DIPK1C: variants seen among roughly 807,000 people sequenced by gnomAD.
The protein encoded by DIPK1C is divergent protein kinase domain 1C, also known as familial non-conventional Alzheimer's dementia.
Under a neutral mutation model 28.0 loss-of-function variants are expected in DIPK1C, and 33 were observed. That is an observed-to-expected ratio of 1.18 (90% CI 0.89 to 1.58). The LOEUF (loss-of-function observed/expected upper bound fraction) is 1.58, where lower values mean the gene tolerates loss of function less well. Among genes scored for constraint, DIPK1C ranks in the 40% most tolerant of loss-of-function variants. DIPK1C has a pLI of 0.00. For missense variants in DIPK1C, 569 were observed against 568.5 expected (o/e 1.00, Z -0.01); for synonymous variants, 255 against 248.8 (o/e 1.02, Z -0.23).
chr18:74,441,742 C>A (rs971784433), intron 3 of DIPK1C, among the ~76,000 whole-genome samples: 2 of 152,132 alleles, frequency 1.3e-5, no homozygotes, highest in African/African-American at 2.4e-5. Context: ...TCATCAGATG[C>A]CCCTGGTCGC....
chr18:74,457,018 C>T, intron 1 of DIPK1C, 44 bp downstream of exon 1: 2 of 1,378,614 alleles, frequency 1.5e-6, no homozygotes, highest in Non-Finnish European at 1.9e-6. Context: ...GTGATCCCCC[C>T]TCCCCGGACG....
In DIPK1C at chr18:74,446,638, G is replaced by T; in HGVS notation, c.844C>A (p.Pro282Thr). 1 of 1,472,250 alleles carries T rather than the reference G, an allele frequency of 6.8e-7. No individual in the cohort carries two copies. The highest frequency in any genetic ancestry group is 1.4e-5 in the South Asian group (1 of 70,984). The allele number at this position is 1,472,250 out of a possible 1,614,324, so 91.2% of individuals were successfully genotyped here. The change falls in exon 2 of 4, where the codon CCG becomes ACG. Residue 282 changes from proline (P) to threonine (T), a missense_variant. Transcript: ENST00000343998. Reference protein sequence around the residue: ...SHRLHLCDIKPENFAIRSDFT... With the variant: ...SHRLHLCDIKTENFAIRSDFT... ...TCGCTCCGGATGGCAAAGTTTTCCG[G>T]CTTGATGTCGCAGAGGTGGAGGCGG...
intron 2 of DIPK1C, among the ~76,000 whole-genome samples, chr18:74,444,519 T>C (rs1986216669): frequency 6.6e-6 from 1 of 152,246 alleles, no homozygotes; most frequent in Non-Finnish European, 1.5e-5. Flanking sequence ...CTAGAAGCCT[T>C]GTTTTGAAGA....
intron 3 of DIPK1C, among the ~76,000 whole-genome samples, chr18:74,438,943 A>G (rs910823056): frequency 6.6e-6 from 1 of 152,210 alleles, no homozygotes; most frequent in Admixed American, 6.5e-5. Flanking sequence ...CCCTTGGCGA[A>G]GCCAGTCCTG....
intron 3 of DIPK1C, among the ~76,000 whole-genome samples, chr18:74,440,589 T>G (rs937498242): frequency 6.6e-6 from 1 of 152,224 alleles, no homozygotes; most frequent in Non-Finnish European, 1.5e-5. Flanking sequence ...TTTTCCAAGT[T>G]GTTTGGCCAT....
At chr18:74,460,220 C>T (rs971074388), upstream of DIPK1C, among the ~76,000 whole-genome samples, 10 of 152,200 alleles carry the variant, frequency 6.6e-5, no homozygotes, top group Admixed American at 3.9e-4. Flanking sequence ...ACATTCTCTT[C>T]ATGGCTTAAG....
At position 74,441,988 on chromosome 18, in the gene DIPK1C, G is replaced by T. The variant is rs191560122; in HGVS notation, c.1005C>A (p.Asn335Lys). 4.3e-6 allele frequency: 7 copies of T among 1,614,084 alleles called. No individual in the cohort carries two copies. The highest frequency in any genetic ancestry group is 3.3e-4 in the Middle Eastern group (2 of 6,060). The change falls in exon 3 of 4, where the codon AAC becomes AAA. Residue 335 changes from asparagine (N) to lysine (K), a missense_variant. Coordinates refer to ENST00000343998, the MANE Select transcript of DIPK1C (RefSeq NM_001044369.3). The part of the protein sequence containing the change: ...DCFSRCDLRV[N>K]KCGAQRVNNN... ...TGTTTACGCGCTGCGCTCCGCATTT[G>T]TTGACTCGTAAATCACATCTTGAAA...
At chr18:74,442,480 C>A (rs964593812) in intron 2 of DIPK1C, among the ~76,000 whole-genome samples, 1 of 152,116 alleles carries the variant, frequency 6.6e-6, no homozygotes. Context: ...AGGTGCCCAC[C>A]ACCACACCCG....
At position 74,435,604 on chromosome 18, in the gene DIPK1C, G is replaced by A. The variant is rs971783790; in HGVS notation, c.*897C>T. 9.8e-5 allele frequency: 15 copies of A among 152,306 alleles called. No individual in the cohort carries two copies. Among genetic ancestry groups the A allele is most frequent in the African/African-American group, 3.4e-4 (14 of 41,544 alleles). The allele number at this position is 152,306 out of a possible 1,614,324, so 9.4% of individuals were successfully genotyped here. A position where few individuals can be genotyped will look rare whatever the true frequency, so the allele number is the denominator to read the frequency against. On this transcript the variant is annotated 3_prime_UTR_variant, in exon 4 of 4. Transcript: ENST00000343998. ...CCAACCTACAAGTCCCTGCCCAGGG[G>A]AAGGTGTATTGCAATACGAGGCGCC...
chr18:74,448,073 G>A (rs967283335), intron 1 of DIPK1C, among the ~76,000 whole-genome samples: 4 of 152,100 alleles, frequency 2.6e-5, no homozygotes, highest in African/African-American at 7.2e-5. Context: ...GGGACCTGGC[G>A]ACCTTCCCCA....
In DIPK1C at chr18:74,436,536, C is replaced by T; in HGVS notation, c.1225G>A (p.Ala409Thr). ...GCCTCCTGCAGCTCCCTCAGTGTGGCTTGGAGGAGTTGGCGAAGCTTCCAG... is the reference window on the plus strand; with the variant it reads ...GCCTCCTGCAGCTCCCTCAGTGTGGTTTGGAGGAGTTGGCGAAGCTTCCAG... ...VFWKLRQLLQ[A>T]TLRELQEAEK The change falls in exon 4 of 4, where the codon GCC becomes ACC. Residue 409 changes from alanine (A) to threonine (T), a missense_variant. Transcript: ENST00000343998. 6.2e-7 allele frequency: 1 copy of T among 1,605,880 alleles called. No individual in the cohort carries two copies. The highest frequency in any genetic ancestry group is 8.5e-7 in the Non-Finnish European group (1 of 1,177,408).
chr18:74,443,033 G>C (rs1986178770), intron 2 of DIPK1C, among the ~76,000 whole-genome samples: 1 of 152,206 alleles, frequency 6.6e-6, no homozygotes, highest in Admixed American at 6.5e-5. Context: ...TGACCAGTCA[G>C]ACGACAAAGT....
At position 74,457,203 on chromosome 18, in the gene DIPK1C, G is replaced by A; in HGVS notation, c.57C>T (p.Arg19=). 2.5e-6 allele frequency: 3 copies of A among 1,196,158 alleles called. No homozygotes were observed. The highest frequency in any genetic ancestry group is 3.1e-6 in the Non-Finnish European group (3 of 966,652). The allele number at this position is 1,196,158 out of a possible 1,614,324, so 74.1% of individuals were successfully genotyped here. The part of the protein sequence containing the change: ...GPAGWCRRRG[R]CGRGTLLAFA... Reference sequence around the variant, plus strand: ...AGGCGAGGAGCGTGCCCCGCCCGCAGCGCCCGCGCCTCCTGCACCACCCGG... The same window carrying A: ...AGGCGAGGAGCGTGCCCCGCCCGCAACGCCCGCGCCTCCTGCACCACCCGG... Residue 19 remains arginine, a synonymous_variant, in exon 1 of 4, where the codon CGC becomes CGT. Transcript: ENST00000343998.
Position 74,447,875 on chromosome 18 carries a change from G to A in DIPK1C, c.199-592C>T, listed in dbSNP as rs941421087. Among the ~76,000 whole-genome samples the A allele has an allele frequency of 3.9e-5, 6 of 152,228 alleles. No homozygotes were observed. Among genetic ancestry groups the A allele is most frequent in the Non-Finnish European group, 5.9e-5 (4 of 68,048 alleles). ...CAGATGTTTAGAGGAGAAGCCTCTA[G>A]AGGACACATGAGTGGGCACAGGGCT... On this transcript the variant is annotated intron_variant, in intron 1 of 3. Coordinates refer to ENST00000343998, the MANE Select transcript of DIPK1C (RefSeq NM_001044369.3). This position sits in a 1 kb window ranked among gnomAD's most constrained non-coding sequence, Gnocchi z 4.1.
chr18:74,441,664 G>A (rs1028541349), intron 3 of DIPK1C, among the ~76,000 whole-genome samples: 1 of 152,176 alleles, frequency 6.6e-6, no homozygotes, highest in Non-Finnish European at 1.5e-5. Flanking sequence ...GTTTATGAGA[G>A]GTTGTAGATA....
Position 74,447,272 on chromosome 18 carries a change from G to A in DIPK1C, c.210C>T (p.Tyr70=). 1 of 1,534,780 alleles carries A rather than the reference G, an allele frequency of 6.5e-7. No homozygotes were observed. Residue 70 remains tyrosine (Y), a synonymous_variant, in exon 2 of 4, where the codon TAC becomes TAT. Coordinates refer to ENST00000343998, the MANE Select transcript of DIPK1C (RefSeq NM_001044369.3). This position sits in a 1 kb window ranked among gnomAD's most constrained non-coding sequence, Gnocchi z 4.1. ...RRILAALCQD[Y]QGGTLAGDLC... is the part of the protein sequence containing the mutation. ...GGTCCCCGGCCAGCGTGCCGCCCTG[G>A]TAGTCCTGGCACTGGAAGGAAGGGA...
At position 74,441,029 on chromosome 18, in the gene DIPK1C, G is replaced by A. The variant is rs780348860; in HGVS notation, c.1041+923C>T. On this transcript the variant is annotated intron_variant, in intron 3 of 3. Coordinates refer to ENST00000343998, the MANE Select transcript of DIPK1C (RefSeq NM_001044369.3). The stretch of plus-strand genomic sequence containing the variant: ...TGGCTGGGACCACTAGGTTAACAGC[G>A]GACCTGTCCCAGCCTTCCCAAATCA... Among the ~76,000 whole-genome samples the A allele has an allele frequency of 4.1e-4, 63 of 152,266 alleles. 1 individual carries two copies. Among genetic ancestry groups the A allele is most frequent in the African/African-American group, 5.5e-4 (23 of 41,554 alleles).
intron 2 of DIPK1C, 95 bp downstream of exon 2, chr18:74,446,511 C>T (rs1986263847): frequency 1.6e-6 from 2 of 1,251,750 alleles, no homozygotes; most frequent in Non-Finnish European, 1.0e-6. Flanking sequence ...AGTTTGCTAA[C>T]TCAGGCCAGG....
chr18:74,457,318 C>T (rs118075674), upstream of DIPK1C: 155,895 of 971,124 alleles, frequency 0.16, 13,621 homozygotes, highest in East Asian at 0.38. Context: ...TCCGCACTCG[C>T]GTAGCTGCTC....
Sources: gnomAD v4.1 joint callset for allele counts (sites outside exome capture counted in the v4.1 genomes callset) on GRCh38, gnomAD v4.1.1 for gene constraint, Gnocchi (gnomAD v3.1) non-coding constraint, MANE v1.5 for transcripts, NCBI Gene and HGNC (gene_info 2026-07-23, HGNC 2026-07-21) for gene names.